Variants in STAG1 observed in about 807,000 individuals in gnomAD.
The protein encoded by STAG1 is cohesin subunit SA-1.
In STAG1, 26 loss-of-function variants were observed where a neutral mutation model predicts 170.9. That is an observed-to-expected ratio of 0.15 (90% CI 0.11 to 0.21). STAG1 has a LOEUF of 0.21. Among genes scored for constraint, STAG1 ranks in the 10% least tolerant of loss-of-function variants. The probability of loss-of-function intolerance (pLI) is 1.00; values close to 1 mark genes in which losing one functional copy is unlikely to be tolerated. For missense variants in STAG1, 964 were observed against 1,509.5 expected (o/e 0.64, Z 5.99); for synonymous variants, 514 against 497.7 (o/e 1.03, Z -0.44).
chr3:136,367,027 A>C lies in STAG1; in HGVS notation c.2601T>G (p.Asn867Lys). The C allele has an allele frequency of 6.4e-7, 1 of 1,564,236 alleles. No homozygotes were observed. The highest frequency in any genetic ancestry group is 8.8e-7 in the Non-Finnish European group (1 of 1,135,164). The change falls in exon 25 of 34, where the codon AAT becomes AAG. Residue 867 changes from asparagine to lysine, a missense_variant. By Grantham distance (94) the Asn-to-Lys change is moderately conservative. Around this residue, in one of 11 missense-constraint regions of STAG1, gnomAD observed 149 missense variants for 301.3 expected, o/e 0.49. Transcript: ENST00000383202. The part of the protein sequence containing the change: ...NKIEALHKRR[N>K]LLAAFSKLII... ...TAAGTTTGCTGAAAGCAGCAAGTAG[A>C]TTCCTTCTTTTATGTAAGGCCTCAA...
chr3:136,598,488 G>A (rs991492812), intron 4 of STAG1, among the ~76,000 whole-genome samples: 5 of 150,654 alleles, frequency 3.3e-5, no homozygotes, highest in African/African-American at 4.9e-5. Context: ...GTGCAATGGC[G>A]CAATCTCGGC....
At chr3:136,508,150 T>G (rs922014989) in intron 7 of STAG1, among the ~76,000 whole-genome samples, 1 of 152,180 alleles carries the variant, frequency 6.6e-6, no homozygotes, top group African/African-American at 2.4e-5. Flanking sequence ...GTGTAATGGT[T>G]AGTCTTATGT....
chr3:136,524,811 T>C (rs994341250), intron 6 of STAG1, among the ~76,000 whole-genome samples: 2 of 152,196 alleles, frequency 1.3e-5, no homozygotes, highest in African/African-American at 2.4e-5. Flanking sequence ...ATGAAGGCTG[T>C]TGAATTTTGT....
intron 1 of STAG1, among the ~76,000 whole-genome samples, chr3:136,646,213 T>G (rs1287342969): frequency 6.6e-6 from 1 of 152,106 alleles, no homozygotes. Flanking sequence ...CAAACACTCC[T>G]TCTAGGCTCA....
intron 13 of STAG1, among the ~76,000 whole-genome samples, chr3:136,453,463 C>T (rs972339164): frequency 7.2e-5 from 11 of 151,814 alleles, no homozygotes; most frequent in South Asian, 2.1e-4. Flanking sequence ...TGGTGGCGGG[C>T]GCCTGTAGTC....
chr3:136,406,044 T>C (rs1453575636), intron 21 of STAG1, among the ~76,000 whole-genome samples: 3 of 152,160 alleles, frequency 2.0e-5, no homozygotes, highest in Non-Finnish European at 4.4e-5. Flanking sequence ...GGGCATTTAC[T>C]TAATAGAAAT....
At chr3:136,667,213 T>C (rs2107871446) in intron 1 of STAG1, among the ~76,000 whole-genome samples, 1 of 152,262 alleles carries the variant, frequency 6.6e-6, no homozygotes, top group Middle Eastern at 3.4e-3. Context: ...ATGTTAGATA[T>C]ACTAATTCCC....
At chr3:136,371,244 T>A (rs940156514) in intron 23 of STAG1, among the ~76,000 whole-genome samples, 1 of 152,244 alleles carries the variant, frequency 6.6e-6, no homozygotes, top group Admixed American at 6.5e-5. Context: ...CATTGTAGAT[T>A]CTGGATATTA....
At chr3:136,433,435 T>C (rs2088367473) in intron 16 of STAG1, 121 bp downstream of exon 16, 1 of 718,570 alleles carries the variant, frequency 1.4e-6, no homozygotes, top group South Asian at 1.7e-5. Flanking sequence ...AGCACCATAG[T>C]CCATCATTTA....
intron 3 of STAG1, among the ~76,000 whole-genome samples, chr3:136,622,135 T>TA (rs75542452): frequency 0.07 from 6,502 of 92,714 alleles, 427 homozygotes; most frequent in African/African-American, 0.19. Context: ...CCATCTCTAC[T>TA]AAAAAAAAAA....
At chr3:136,386,896 A>G (rs2086887840) in intron 22 of STAG1, among the ~76,000 whole-genome samples, 1 of 152,204 alleles carries the variant, frequency 6.6e-6, no homozygotes, top group Non-Finnish European at 1.5e-5. Flanking sequence ...TTAGCTCAAC[A>G]TTATCTGACA....
intron 29 of STAG1, among the ~76,000 whole-genome samples, chr3:136,344,833 C>G (rs772189908): frequency 9.2e-5 from 14 of 151,752 alleles, no homozygotes; most frequent in Non-Finnish European, 1.3e-4. Flanking sequence ...AGTCTGGTCT[C>G]GAACTCCTGA....
intron 1 of STAG1, among the ~76,000 whole-genome samples, chr3:136,747,387 C>T (rs947950908): frequency 6.6e-6 from 1 of 152,088 alleles, no homozygotes; most frequent in African/African-American, 2.4e-5. Flanking sequence ...TGATCCAAGG[C>T]ATTTAAATTC....
chr3:136,581,915 G>GA, intron 4 of STAG1, among the ~76,000 whole-genome samples: 1 of 151,800 alleles, frequency 6.6e-6, no homozygotes, highest in Non-Finnish European at 1.5e-5. Flanking sequence ...AAAACACCAG[G>GA]AACCAAAATC....
chr3:136,620,811 T>C (rs1330719034), intron 3 of STAG1, among the ~76,000 whole-genome samples: 1 of 152,222 alleles, frequency 6.6e-6, no homozygotes, highest in Non-Finnish European at 1.5e-5. Context: ...ATACTGTAAA[T>C]ATGGCATGAA....
chr3:136,403,224 T>TAAAAAAAAAAA (rs55678408), intron 21 of STAG1, among the ~76,000 whole-genome samples: 80 of 33,598 alleles, frequency 2.4e-3, no homozygotes, highest in African/African-American at 5.0e-3. Context: ...GAGACTGTCT[T>TAAAAAAAAAAA]AAAAAAAAAA....
intron 1 of STAG1, among the ~76,000 whole-genome samples, chr3:136,702,115 G>GACAGACAGACAGAGAGAC (rs576739895): frequency 1.5e-5 from 1 of 66,344 alleles, no homozygotes. Context: ...GAGAGAGAGA[G>GACAGACAGACAGAGAGAC]AGAGAGACAG....
At chr3:136,725,902 C>T (rs1356052186) in intron 1 of STAG1, among the ~76,000 whole-genome samples, 1 of 152,214 alleles carries the variant, frequency 6.6e-6, no homozygotes, top group African/African-American at 2.4e-5. Flanking sequence ...ACAAATCACT[C>T]AATTATTAGT....
intron 12 of STAG1, among the ~76,000 whole-genome samples, chr3:136,471,506 T>A (rs963440199): frequency 5.9e-5 from 9 of 152,066 alleles, no homozygotes; most frequent in Non-Finnish European, 1.2e-4. Context: ...ATAAAGAGCA[T>A]GGTGTTAGAG....
Sources: allele counts gnomAD v4.1 joint callset (sites outside exome capture counted in the v4.1 genomes callset), GRCh38; gene constraint gnomAD v4.1.1; regional missense constraint gnomAD v4.1.1; transcripts MANE v1.5; gene names NCBI Gene and HGNC (gene_info 2026-07-23, HGNC 2026-07-21).